CSMD1: variants seen among roughly 807,000 people sequenced by gnomAD.
CSMD1 encodes the protein CUB and Sushi multiple domains 1, also known as CUB and sushi domain-containing protein 1.
Under a neutral mutation model 417.5 loss-of-function variants are expected in CSMD1, and 213 were observed. That is an observed-to-expected ratio of 0.51 (90% confidence interval 0.46 to 0.57). CSMD1 has a LOEUF of 0.57. Ranked by LOEUF, CSMD1 falls within the 20% of genes least tolerant of loss-of-function variation. The probability of loss-of-function intolerance (pLI) is 0.00; values close to 1 mark genes in which losing one functional copy is unlikely to be tolerated. For missense variants in CSMD1, 6,923 were observed against 4,529.7 expected, an observed-to-expected ratio of 1.53 and a Z score of -15.17; for synonymous variants, 2,862 against 1,736.8, an observed-to-expected ratio of 1.65 and a Z score of -16.11.
At chr8:3,851,296 C>T (rs1262558324) in intron 5 of CSMD1, among the ~76,000 whole-genome samples, 1 of 152,164 alleles carries the variant, frequency 6.6e-6, no homozygotes, top group East Asian at 1.9e-4. Context: ...CTGGTCTTTT[C>T]ATATTGACAT....
At chr8:3,708,006 C>A (rs1395568354) in intron 7 of CSMD1, among the ~76,000 whole-genome samples, 1 of 152,188 alleles carries the variant, frequency 6.6e-6, no homozygotes, top group Non-Finnish European at 1.5e-5. Flanking sequence ...ACTCTCCAGG[C>A]AGTGAATGGT....
chr8:4,075,914 G>A (rs939381227), intron 3 of CSMD1, among the ~76,000 whole-genome samples: 1 of 151,882 alleles, frequency 6.6e-6, no homozygotes, highest in African/African-American at 2.4e-5. Context: ...CCAATCCACT[G>A]GTACTTTATA....
intron 3 of CSMD1, among the ~76,000 whole-genome samples, chr8:4,288,983 A>G (rs1433303870): frequency 2.0e-5 from 3 of 152,242 alleles, no homozygotes; most frequent in Non-Finnish European, 2.9e-5. Flanking sequence ...GTGCATAAAA[A>G]TAATTTAAAA....
chr8:3,388,198 G>C (rs1473682925), intron 17 of CSMD1, among the ~76,000 whole-genome samples: 2 of 152,092 alleles, frequency 1.3e-5, no homozygotes, highest in African/African-American at 2.4e-5. Context: ...TTCTAAGTTT[G>C]CATTCCATAA....
At chr8:4,912,139 A>AG (rs1805726051) in intron 1 of CSMD1, among the ~76,000 whole-genome samples, 1 of 99,556 alleles carries the variant, frequency 1.0e-5, no homozygotes, top group Admixed American at 1.2e-4. Context: ...AAAAAAAAAA[A>AG]AAGAAAGAAA....
intron 2 of CSMD1, among the ~76,000 whole-genome samples, chr8:4,548,882 A>C (rs543881526): frequency 1.3e-5 from 2 of 152,250 alleles, no homozygotes; most frequent in South Asian, 4.1e-4. Context: ...ATTTCTCTGT[A>C]CCTTAAAATA....
intron 1 of CSMD1, among the ~76,000 whole-genome samples, chr8:4,722,118 G>T (rs1224121129): frequency 6.6e-6 from 1 of 152,074 alleles, no homozygotes; most frequent in African/African-American, 2.4e-5. Flanking sequence ...AGGTAATAGT[G>T]TTATGTTGTA....
chr8:3,937,928 G>C (rs1347634824), intron 5 of CSMD1, among the ~76,000 whole-genome samples: 2 of 152,170 alleles, frequency 1.3e-5, no homozygotes, highest in East Asian at 1.9e-4. Context: ...TTAAACCTCA[G>C]TTCTAATGTT....
chr8:3,453,739 G>T (rs944308372), intron 12 of CSMD1, among the ~76,000 whole-genome samples: 4 of 152,106 alleles, frequency 2.6e-5, no homozygotes, highest in African/African-American at 9.7e-5. Flanking sequence ...CAACTATGTG[G>T]TCAATTTTGG....
chr8:4,185,843 T>C (rs1379990977), intron 3 of CSMD1, among the ~76,000 whole-genome samples: 1 of 152,192 alleles, frequency 6.6e-6, no homozygotes, highest in Non-Finnish European at 1.5e-5. Flanking sequence ...AAGCATGCAA[T>C]GAACAGAGCA....
intron 5 of CSMD1, among the ~76,000 whole-genome samples, chr8:3,808,430 T>C (rs752018747): frequency 6.6e-5 from 10 of 152,170 alleles, no homozygotes; most frequent in Non-Finnish European, 1.3e-4. Context: ...CCAAAACTCA[T>C]TGGAATGAGT....
At position 3,364,431 on chromosome 8, in the gene CSMD1, T is replaced by G. The variant is rs568106440; in HGVS notation, c.3115+2601A>C. On this transcript the variant is annotated intron_variant, in intron 20 of 69. Coordinates refer to ENST00000635120, the MANE Select transcript of CSMD1 (RefSeq NM_033225.6). The stretch of plus-strand genomic sequence containing the variant: ...TGAATTGTTCTGAATGTTTACAGAC[T>G]GTTAACCACTTTAAAGACCCATGAA... Among the ~76,000 whole-genome samples, 4 of 152,348 alleles carry G rather than the reference T, an allele frequency of 2.6e-5. No homozygotes were observed. In the South Asian group the frequency reaches 8.3e-4, roughly 32 times the overall value.
At chr8:4,534,593 T>C (rs979932696) in intron 2 of CSMD1, among the ~76,000 whole-genome samples, 2 of 152,108 alleles carry the variant, frequency 1.3e-5, no homozygotes, top group African/African-American at 2.4e-5. Flanking sequence ...CCTCCCTCTT[T>C]CCCCATTCTA....
chr8:4,607,960 G>A (rs992916648), intron 2 of CSMD1, among the ~76,000 whole-genome samples: 2 of 152,132 alleles, frequency 1.3e-5, no homozygotes, highest in Non-Finnish European at 2.9e-5. Flanking sequence ...ACTTTCCCCA[G>A]CCCACCTGTA....
intron 1 of CSMD1, among the ~76,000 whole-genome samples, chr8:4,713,564 G>C (rs920250462): frequency 6.6e-6 from 1 of 152,144 alleles, no homozygotes; most frequent in Non-Finnish European, 1.5e-5. Flanking sequence ...ACCACGCCTA[G>C]TTAATTTTTT....
chr8:3,948,971 C>G (rs1811424847), intron 5 of CSMD1, among the ~76,000 whole-genome samples: 1 of 151,754 alleles, frequency 6.6e-6, no homozygotes, highest in South Asian at 2.1e-4. Context: ...ATATTTATCA[C>G]CAGGGTAAGA....
At position 3,476,165 on chromosome 8, in the gene CSMD1, A is replaced by G. The variant is rs117347339; in HGVS notation, c.1449-7341T>C. On this transcript the variant is annotated intron_variant, in intron 11 of 69. Coordinates refer to ENST00000635120, the MANE Select transcript of CSMD1 (RefSeq NM_033225.6). Reference sequence around the variant, plus strand: ...CAAGACTAGCCTGCGCAACATAGCGAGGCCTTGGCTCAACCAAAATACAAA... The same window carrying G: ...CAAGACTAGCCTGCGCAACATAGCGGGGCCTTGGCTCAACCAAAATACAAA... Among the ~76,000 whole-genome samples the G allele has an allele frequency of 7.4e-3, 1,127 of 152,322 alleles. 4 individuals are homozygous for G. Among genetic ancestry groups the G allele is most frequent in the Non-Finnish European group, 0.011 (751 of 68,028 alleles).
At chr8:3,725,030 G>A (rs1307125464) in intron 6 of CSMD1, among the ~76,000 whole-genome samples, 1 of 152,124 alleles carries the variant, frequency 6.6e-6, no homozygotes, top group Non-Finnish European at 1.5e-5. Flanking sequence ...CTGGGAAGAG[G>A]CCCATTAACC....
At chr8:4,234,916 GTC>G (rs1050665520) in intron 3 of CSMD1, among the ~76,000 whole-genome samples, 12 of 152,280 alleles carry the variant, frequency 7.9e-5, no homozygotes, top group Non-Finnish European at 2.9e-5. Context: ...CCTCTGTGTT[GTC>G]TGTTGTAACT....
Sources: allele counts gnomAD v4.1 joint callset (sites outside exome capture counted in the v4.1 genomes callset), GRCh38; gene constraint gnomAD v4.1.1; transcripts MANE v1.5; gene names NCBI Gene and HGNC (gene_info 2026-07-23, HGNC 2026-07-21).